YAF2: variants seen among roughly 807,000 people sequenced by gnomAD.
YAF2 encodes the protein YY1 associated factor 2, also known as YY1-associated factor 2.
In YAF2, 7 loss-of-function variants were observed where a neutral mutation model predicts 20.1. The ratio of observed to expected loss-of-function variants is 0.35; its 90% CI spans 0.20 to 0.65. The LOEUF (loss-of-function observed/expected upper bound fraction) is 0.65, where lower values mean the gene tolerates loss of function less well. Among genes scored for constraint, YAF2 ranks in the 30% least tolerant of loss-of-function variants. The pLI, the probability that YAF2 is intolerant of heterozygous loss-of-function variation, is 0.69. For missense variants in YAF2, 151 were observed against 219.2 expected (o/e 0.69, Z 1.96); for synonymous variants, 74 against 76.0 (o/e 0.97, Z 0.14).
intron 2 of YAF2, among the ~76,000 whole-genome samples, chr12:42,162,156 T>C (rs2065813442): frequency 6.6e-6 from 1 of 152,188 alleles, no homozygotes; most frequent in Admixed American, 6.5e-5. Flanking sequence ...GAGAAGGAAA[T>C]ACCTGACCAT....
intron 2 of YAF2, among the ~76,000 whole-genome samples, chr12:42,185,175 C>CACAA (rs1565613826): frequency 9.0e-5 from 13 of 144,076 alleles, no homozygotes; most frequent in East Asian, 6.2e-4. Flanking sequence ...CAGACTTTGT[C>CACAA]GCAAACAAAC....
intron 2 of YAF2, among the ~76,000 whole-genome samples, chr12:42,168,677 A>G (rs2136983504): frequency 6.6e-6 from 1 of 152,310 alleles, no homozygotes; most frequent in Admixed American, 6.5e-5. Flanking sequence ...TAAAAAAACA[A>G]GAACACTCCA....
At chr12:42,193,218 G>A (rs537742659) in intron 2 of YAF2, among the ~76,000 whole-genome samples, 1 of 151,858 alleles carries the variant, frequency 6.6e-6, no homozygotes, top group African/African-American at 2.4e-5. Flanking sequence ...GGGAGGCTGA[G>A]GCAGGCGAAT....
intron 2 of YAF2, among the ~76,000 whole-genome samples, chr12:42,202,285 G>A: frequency 6.6e-6 from 1 of 151,964 alleles, no homozygotes; most frequent in African/African-American, 2.4e-5. Flanking sequence ...TTTAACAGAG[G>A]TACTTACATA....
At chr12:42,161,004 C>G in intron 3 of YAF2, 178 bp from the exon 4 acceptor site, 2 of 585,250 alleles carry the variant, frequency 3.4e-6, no homozygotes, top group South Asian at 4.6e-5. Context: ...TTAATCAAAC[C>G]AATCATTCAT....
chr12:42,174,316 G>A (rs2066127382), intron 2 of YAF2, among the ~76,000 whole-genome samples: 1 of 152,036 alleles, frequency 6.6e-6, no homozygotes, highest in African/African-American at 2.4e-5. Flanking sequence ...ACAGTCAACT[G>A]TAGTCATCCT....
intron 2 of YAF2, among the ~76,000 whole-genome samples, chr12:42,177,947 T>G (rs2066239486): frequency 6.6e-6 from 1 of 152,092 alleles, no homozygotes; most frequent in Non-Finnish European, 1.5e-5. Flanking sequence ...CCTACTACAT[T>G]ACATATTATT....
intron 2 of YAF2, among the ~76,000 whole-genome samples, chr12:42,221,924 T>C (rs772337696): frequency 1.3e-5 from 2 of 152,332 alleles, no homozygotes; most frequent in East Asian, 1.9e-4. Context: ...AGGTTTCAAG[T>C]AATAAAAACT....
At chr12:42,191,806 G>A (rs1019057733) in intron 2 of YAF2, among the ~76,000 whole-genome samples, 1 of 152,126 alleles carries the variant, frequency 6.6e-6, no homozygotes, top group African/African-American at 2.4e-5. Context: ...AGAAAGATTT[G>A]GCCATGCACA....
chr12:42,202,137 T>A (rs1181722035), intron 2 of YAF2, among the ~76,000 whole-genome samples: 3 of 152,176 alleles, frequency 2.0e-5, no homozygotes, highest in Non-Finnish European at 4.4e-5. Context: ...TTCGACAGTC[T>A]ACTTTTTCTC....
intron 2 of YAF2, chr12:42,233,713 G>A (rs2068049853): frequency 6.8e-6 from 6 of 884,336 alleles, no homozygotes; most frequent in Non-Finnish European, 8.1e-6. Context: ...AGATCTCACT[G>A]TGTTGCCCAG....
At chr12:42,218,439 T>C (rs2067423732) in intron 2 of YAF2, among the ~76,000 whole-genome samples, 1 of 152,244 alleles carries the variant, frequency 6.6e-6, no homozygotes, top group Non-Finnish European at 1.5e-5. Context: ...AAAAATGTTA[T>C]TGCCTATTTT....
intron 2 of YAF2, chr12:42,212,588 G>A: frequency 3.0e-5 from 8 of 269,998 alleles, no homozygotes; most frequent in East Asian, 1.2e-4. Context: ...AAAATAAATG[G>A]GATAAAATGG....
intron 2 of YAF2, among the ~76,000 whole-genome samples, chr12:42,163,578 C>T (rs1414160930): frequency 1.3e-5 from 2 of 152,002 alleles, no homozygotes; most frequent in Non-Finnish European, 2.9e-5. Flanking sequence ...CCTAGGCTTA[C>T]CTAAATGTAT....
At chr12:42,175,740 CA>C (rs59476115) in intron 2 of YAF2, among the ~76,000 whole-genome samples, 122 of 44,974 alleles carry the variant, frequency 2.7e-3, no homozygotes, top group South Asian at 8.2e-3. Context: ...GACTCTGTCT[CA>C]AAAAAAAAAA....
intron 2 of YAF2, among the ~76,000 whole-genome samples, chr12:42,228,588 G>A (rs71453339): frequency 4.2e-5 from 3 of 70,822 alleles, no homozygotes; most frequent in Admixed American, 1.2e-4. Context: ...CCGGCCAGCC[G>A]CCCCGTCAGG....
rs12424596 is a variant in YAF2 at position 42,207,754 on chromosome 12, C to G, written c.152+29845G>C. 9.7e-4 allele frequency among the ~76,000 whole-genome samples: 148 copies of G among 151,918 alleles called. 1 individual carries two copies. Among genetic ancestry groups the G allele is most frequent in the East Asian group, 5.1e-3 (26 of 5,134 alleles). On this transcript the variant is annotated intron_variant, in intron 2 of 3. Coordinates refer to ENST00000534854, the MANE Select transcript of YAF2 (RefSeq NM_005748.6). ...AAAAATACAAAAATTAGCCGGGCGT[C>G]GTGGCGGGCGCCTGTAGTCCCAGCT...
In YAF2 at chr12:42,184,304, CTTA is replaced by C. The variant is rs923120101; in HGVS notation, c.153-22542_153-22540del. On this transcript the variant is annotated intron_variant, in intron 2 of 3. Transcript: ENST00000534854. ...CCAGGAGTAATTTCAACTTTAAAGACTTATTATTATTATTACTGTTTTTGAGAC... is the reference window on the plus strand; with the variant it reads ...CCAGGAGTAATTTCAACTTTAAAGACTTATTATTATTACTGTTTTTGAGAC... 3.9e-5 allele frequency among the ~76,000 whole-genome samples: 6 copies of C among 152,056 alleles called. No individual in the cohort carries two copies. In the East Asian group the frequency reaches 7.7e-4, roughly 20 times the overall value.
At chr12:42,186,152 T>C (rs1176143204) in intron 2 of YAF2, among the ~76,000 whole-genome samples, 1 of 141,004 alleles carries the variant, frequency 7.1e-6, no homozygotes, top group African/African-American at 2.7e-5. Flanking sequence ...ATTGCGCCAC[T>C]GTACTCCAGC....
Sources: gnomAD v4.1 joint callset for allele counts (sites outside exome capture counted in the v4.1 genomes callset) on GRCh38, gnomAD v4.1.1 for gene constraint, MANE v1.5 for transcripts, NCBI Gene and HGNC (gene_info 2026-07-23, HGNC 2026-07-21) for gene names.